NCOR1: variants seen among roughly 807,000 people sequenced by gnomAD.
NCOR1 encodes nuclear receptor corepressor 1, also known as protein phosphatase 1, regulatory subunit 109.
In NCOR1, 63 loss-of-function variants were observed where a neutral mutation model predicts 288.1. That is an observed-to-expected ratio of 0.22 (90% CI 0.18 to 0.27). The LOEUF (loss-of-function observed/expected upper bound fraction) is 0.27. Among genes scored for constraint, NCOR1 ranks in the 10% least tolerant of loss-of-function variants. The probability of loss-of-function intolerance (pLI) is 1.00; values close to 1 mark genes in which losing one functional copy is unlikely to be tolerated. For missense variants in NCOR1, 2,397 were observed against 3,019.2 expected (o/e 0.79, Z 4.83); for synonymous variants, 1,007 against 1,065.9 (o/e 0.94, Z 1.08).
chr17:16,065,117 A>C, intron 33 of NCOR1, 98 bp from the exon 34 acceptor site: 1 of 1,073,244 alleles, frequency 9.3e-7, no homozygotes, highest in Non-Finnish European at 1.4e-6. Flanking sequence ...ATCAAGGGTA[A>C]TTTGTACATA....
Position 16,121,005 on chromosome 17 carries a change from A to T in NCOR1, c.1852+47T>A, listed in dbSNP as rs1473465929. The T allele has an allele frequency of 1.9e-6, 3 of 1,540,394 alleles. No individual in the cohort carries two copies. The Admixed American group carries it at 5.3e-5, about 27-fold the overall frequency. On this transcript the variant is annotated intron_variant, in intron 16 of 45. Transcript: ENST00000268712. ...TACCCTATCCTAGCAGTGAAACAGAATCCCGAACAAAATTATGGCCTGTTT... is the reference window on the plus strand; with the variant it reads ...TACCCTATCCTAGCAGTGAAACAGATTCCCGAACAAAATTATGGCCTGTTT...
intron 10 of NCOR1, among the ~76,000 whole-genome samples, chr17:16,144,010 T>A (rs1031113973): frequency 2.0e-5 from 3 of 152,168 alleles, no homozygotes; most frequent in African/African-American, 7.2e-5. Flanking sequence ...TGCCCTGTAG[T>A]AGACTTAGAA....
At chr17:16,047,217 GT>G in intron 41 of NCOR1, 124 bp from the exon 42 acceptor site, 1 of 973,576 alleles carries the variant, frequency 1.0e-6, no homozygotes. Context: ...TGTGTTTGTG[GT>G]TACAGCCCTA....
At chr17:16,038,876 T>TTC (rs1339451118) in intron 44 of NCOR1, among the ~76,000 whole-genome samples, 1 of 152,168 alleles carries the variant, frequency 6.6e-6, no homozygotes, top group Non-Finnish European at 1.5e-5. Context: ...GTTCAAGCAA[T>TTC]TCTCCTGCCT....
intron 22 of NCOR1, among the ~76,000 whole-genome samples, chr17:16,088,427 C>T (rs1213063536): frequency 2.0e-5 from 3 of 152,052 alleles, no homozygotes; most frequent in Non-Finnish European, 4.4e-5. Flanking sequence ...AGGAAAGATG[C>T]GGATTTCTGT....
At chr17:16,078,023 T>C (rs2062817693) in intron 26 of NCOR1, among the ~76,000 whole-genome samples, 1 of 152,218 alleles carries the variant, frequency 6.6e-6, no homozygotes, top group South Asian at 2.1e-4. Context: ...TTAGGTCAGG[T>C]TATCTATATT....
At chr17:16,105,311 G>T (rs1391459444) in intron 19 of NCOR1, among the ~76,000 whole-genome samples, 1 of 152,106 alleles carries the variant, frequency 6.6e-6, no homozygotes, top group South Asian at 2.1e-4. Flanking sequence ...CAGATACTTG[G>T]GGGGATGAGG....
rs762713253 is a variant in NCOR1 at position 16,108,763 on chromosome 17, C to A, written c.2182+23G>T. On this transcript the variant is annotated intron_variant, in intron 19 of 45. Coordinates refer to ENST00000268712, the MANE Select transcript of NCOR1 (RefSeq NM_006311.4). Reference sequence around the variant, plus strand: ...TTATTCTGGATAGCAGATGTCACAACTAAATTTAAAATTTTGAGATACCTT... The same window carrying A: ...TTATTCTGGATAGCAGATGTCACAAATAAATTTAAAATTTTGAGATACCTT... 4 of 1,571,890 alleles carry A rather than the reference C, an allele frequency of 2.5e-6. No individual in the cohort carries two copies. The Admixed American group carries it at 7.5e-5, about 30-fold the overall frequency.
chr17:16,062,057 T>C (rs2152622023), intron 36 of NCOR1, 48 bp downstream of exon 36: 1 of 1,596,506 alleles, frequency 6.3e-7, no homozygotes, highest in Non-Finnish European at 8.5e-7. Flanking sequence ...AATTTTAAAA[T>C]GTATATGCAA....
chr17:16,198,569 T>C (rs575209489), intron 1 of NCOR1: 1 of 150,114 alleles, frequency 6.7e-6, no homozygotes, highest in African/African-American at 2.5e-5. Flanking sequence ...CTACTGAAAA[T>C]ATAAAAATTA....
At chr17:16,188,312 C>A (rs981743680) in intron 2 of NCOR1, among the ~76,000 whole-genome samples, 19 of 151,592 alleles carry the variant, frequency 1.3e-4, no homozygotes, top group African/African-American at 3.7e-4. Flanking sequence ...ATAAAAAAAC[C>A]ATTTAAAAAA....
At chr17:16,160,549 T>TG (rs1229253995) in intron 5 of NCOR1, among the ~76,000 whole-genome samples, 1 of 152,194 alleles carries the variant, frequency 6.6e-6, no homozygotes, top group African/African-American at 2.4e-5. Context: ...CCCAGCACTT[T>TG]GGGAGGCCAA....
At chr17:16,062,439 A>G (rs565140821) in intron 35 of NCOR1, among the ~76,000 whole-genome samples, 169 bp from the exon 36 acceptor site, 2 of 152,330 alleles carry the variant, frequency 1.3e-5, no homozygotes, top group African/African-American at 4.8e-5. Flanking sequence ...ATATGTTCTA[A>G]AAGTGTCCAA....
chr17:16,135,268 T>C (rs146508620), intron 14 of NCOR1, among the ~76,000 whole-genome samples: 2 of 152,192 alleles, frequency 1.3e-5, no homozygotes, highest in African/African-American at 4.8e-5. Context: ...CCACATTCTT[T>C]AGGGGAAGCA....
At chr17:16,039,949 C>T in intron 43 of NCOR1, 1 of 402,664 alleles carries the variant, frequency 2.5e-6, no homozygotes, top group Non-Finnish European at 4.7e-6. Context: ...CACCACCACA[C>T]CAGGCTAATT....
rs768282882 is a variant in NCOR1 at position 16,039,627 on chromosome 17, A to G, written c.6761T>C (p.Phe2254Ser). The G allele has an allele frequency of 6.2e-7, 1 of 1,614,116 alleles. No individual in the cohort carries two copies. Among genetic ancestry groups the G allele is most frequent in the South Asian group, 1.1e-5 (1 of 91,066 alleles). Reference protein sequence around the residue: ...SGSVSSRGHSFADPASNLGLE... With the variant: ...SGSVSSRGHSSADPASNLGLE... The stretch of plus-strand genomic sequence containing the variant: ...CCCAAGATTACTGGCAGGATCAGCA[A>G]AAGAATGGCCTCTAGAGCTAACTGA... Residue 2254 changes from phenylalanine (F) to serine (S), a missense_variant, in exon 44 of 46, where the codon TTT (phenylalanine) becomes TCT (serine). This residue lies in a region of NCOR1 where 1,872 missense variants were observed against 2,187.8 expected (regional missense o/e 0.86). Transcript: ENST00000268712.
intron 40 of NCOR1, among the ~76,000 whole-genome samples, chr17:16,056,191 T>G (rs887246707): frequency 1.3e-5 from 2 of 152,186 alleles, no homozygotes; most frequent in Non-Finnish European, 2.9e-5. Context: ...TTTCTCTTTT[T>G]CAGGCTCTGA....
intron 19 of NCOR1, among the ~76,000 whole-genome samples, chr17:16,104,466 GAC>G (rs1325899949): frequency 3.3e-5 from 5 of 152,126 alleles, no homozygotes; most frequent in Non-Finnish European, 7.4e-5. Flanking sequence ...GCGTGAAATA[GAC>G]AACAGTAAAT....
At chr17:16,038,070 G>GTT in intron 44 of NCOR1, among the ~76,000 whole-genome samples, 1 of 149,262 alleles carries the variant, frequency 6.7e-6, no homozygotes, top group South Asian at 2.1e-4. Context: ...AACATGTATA[G>GTT]TTTTTTTTTT....
Sources: gnomAD v4.1 joint callset for allele counts (sites outside exome capture counted in the v4.1 genomes callset) on GRCh38, gnomAD v4.1.1 for gene constraint, gnomAD v4.1.1 regional missense constraint, MANE v1.5 for transcripts, NCBI Gene and HGNC (gene_info 2026-07-23, HGNC 2026-07-21) for gene names.